The following GRHL2 variants were observed in gnomAD, a reference collection of about 807,000 sequenced individuals.
The protein encoded by GRHL2 is grainyhead like transcription factor 2, also known as grainyhead-like protein 2 homolog.
GRHL2 carries 21 observed loss-of-function variants against 83.8 expected under a neutral mutation model. That is an observed-to-expected ratio of 0.25 (90% CI 0.18 to 0.36). The LOEUF (loss-of-function observed/expected upper bound fraction) is 0.36, where lower values mean the gene tolerates loss of function less well. Among genes scored for constraint, GRHL2 ranks in the 10% least tolerant of loss-of-function variants. The pLI is 1.00. For synonymous variants in GRHL2, 280 were observed against 278.9 expected (o/e 1.00, Z -0.04); for missense variants, 623 against 781.8 (o/e 0.80, Z 2.42).
intron 8 of GRHL2, among the ~76,000 whole-genome samples, chr8:101,604,469 A>AT (rs1171158444): frequency 6.6e-6 from 1 of 152,064 alleles, no homozygotes; most frequent in Non-Finnish European, 1.5e-5. Context: ...GTTCGCAGTG[A>AT]TTTTAAGATT....
At chr8:101,664,261 G>GT (rs1027893877) in intron 14 of GRHL2, among the ~76,000 whole-genome samples, 193 bp from the exon 15 acceptor site, 24 of 152,302 alleles carry the variant, frequency 1.6e-4, no homozygotes, top group Admixed American at 1.3e-3. Context: ...ATGAGGCTGG[G>GT]TTTTTTGTTG....
intron 1 of GRHL2, among the ~76,000 whole-genome samples, chr8:101,534,952 A>G (rs1338723530): frequency 1.3e-5 from 2 of 152,224 alleles, no homozygotes; most frequent in Non-Finnish European, 2.9e-5. Context: ...CGGCCCAATT[A>G]GAGGGCACTA....
At chr8:101,674,436 G>A (rs1281953343), downstream of GRHL2, among the ~76,000 whole-genome samples, 2 of 152,148 alleles carry the variant, frequency 1.3e-5, no homozygotes, top group Non-Finnish European at 2.9e-5. Flanking sequence ...ACACCTCTAC[G>A]CAAATAAACT....
At chr8:101,583,346 GGAGT>G (rs2130261207) in intron 7 of GRHL2, among the ~76,000 whole-genome samples, 1 of 152,362 alleles carries the variant, frequency 6.6e-6, no homozygotes, top group Non-Finnish European at 1.5e-5. Flanking sequence ...AGTTAACCCA[GGAGT>G]GAGAGACAAA....
At chr8:101,583,489 G>A (rs1812098336) in intron 7 of GRHL2, among the ~76,000 whole-genome samples, 1 of 152,176 alleles carries the variant, frequency 6.6e-6, no homozygotes, top group Non-Finnish European at 1.5e-5. Flanking sequence ...GAGACAGAAG[G>A]AGCAGCAAGG....
At chr8:101,662,096 T>C (rs561554594) in intron 14 of GRHL2, among the ~76,000 whole-genome samples, 3 of 152,362 alleles carry the variant, frequency 2.0e-5, no homozygotes, top group Non-Finnish European at 4.4e-5. Flanking sequence ...AATAATCATA[T>C]TTGTATATCA....
At chr8:101,576,849 C>T (rs537746811) in intron 6 of GRHL2, among the ~76,000 whole-genome samples, 7 of 152,194 alleles carry the variant, frequency 4.6e-5, no homozygotes, top group Admixed American at 2.6e-4. Context: ...GTTGCTCTTG[C>T]GTTTTTCAGT....
At chr8:101,568,372 G>T (rs779089639) in intron 4 of GRHL2, among the ~76,000 whole-genome samples, 3 of 152,178 alleles carry the variant, frequency 2.0e-5, no homozygotes, top group Admixed American at 1.3e-4. Context: ...GCCCTCCCTT[G>T]CTTGGGTTAC....
intron 9 of GRHL2, among the ~76,000 whole-genome samples, chr8:101,620,386 A>G (rs942818260): frequency 6.6e-6 from 1 of 152,206 alleles, no homozygotes. Flanking sequence ...TTTACTGGGC[A>G]TAGACCCTGT....
intron 8 of GRHL2, among the ~76,000 whole-genome samples, chr8:101,617,984 A>G (rs1812889222): frequency 6.6e-6 from 1 of 152,262 alleles, no homozygotes; most frequent in Non-Finnish European, 1.5e-5. Context: ...TTCAGAATAC[A>G]TAATTTTACA....
chr8:101,666,052 A>C (rs1208354698), intron 15 of GRHL2, among the ~76,000 whole-genome samples: 1 of 152,232 alleles, frequency 6.6e-6, no homozygotes, highest in Non-Finnish European at 1.5e-5. Context: ...AACCTTGTTG[A>C]GGTCAGTTTT....
At chr8:101,573,917 AAACCTTC>A in intron 6 of GRHL2, 93 bp downstream of exon 6, 1 of 1,385,596 alleles carries the variant, frequency 7.2e-7, no homozygotes, top group Non-Finnish European at 1.0e-6. Context: ...AAAAAAAATA[AAACCTTC>A]AACATAAATA....
At chr8:101,551,380 G>A (rs532721525) in intron 2 of GRHL2, among the ~76,000 whole-genome samples, 1 of 152,288 alleles carries the variant, frequency 6.6e-6, no homozygotes, top group East Asian at 1.9e-4. Flanking sequence ...TGGTAGAGAT[G>A]AGATTTGAAC....
chr8:101,647,391 G>C (rs932433124), intron 13 of GRHL2, among the ~76,000 whole-genome samples: 3 of 142,966 alleles, frequency 2.1e-5, no homozygotes, highest in Non-Finnish European at 4.5e-5. Context: ...TTGGGGGTCA[G>C]CCTGCTGGAA....
At position 101,582,506 on chromosome 8, in the gene GRHL2, A is replaced by G. The variant is rs78273727; in HGVS notation, c.1003+4987A>G. Among the ~76,000 whole-genome samples the G allele has an allele frequency of 9.3e-3, 1,424 of 152,310 alleles. 47 individuals carry two copies. In the South Asian group the frequency reaches 0.097, roughly 10 times the overall value. On this transcript the variant is annotated intron_variant, in intron 7 of 15. Coordinates refer to ENST00000646743, the MANE Select transcript of GRHL2 (RefSeq NM_024915.4). ...GTCTCAAACTCTAAAAGAAACCCTGATTAAGCTGTTTCTATGTGTCACAGG... is the reference window on the plus strand; with the variant it reads ...GTCTCAAACTCTAAAAGAAACCCTGGTTAAGCTGTTTCTATGTGTCACAGG...
In GRHL2 at chr8:101,632,256, T is replaced by C. The variant is rs770280108; in HGVS notation, c.1376T>C (p.Leu459Ser). 8 of 1,613,932 alleles carry C rather than the reference T, an allele frequency of 5.0e-6. No individual in the cohort carries two copies. In the African/African-American group the frequency reaches 1.1e-4, roughly 22 times the overall value. The change falls in exon 11 of 16, where the codon TTA (leucine) becomes TCA (serine). Residue 459 changes from leucine to serine, a missense_variant. Coordinates refer to ENST00000646743, the MANE Select transcript of GRHL2 (RefSeq NM_024915.4). ...GATGGGAAGTTGGCTGCCATACCTT[T>C]ACAGAAGAAGAGTGACATCACCTAC... The part of the protein sequence containing the change: ...SSDGKLAAIP[L>S]QKKSDITYFK...
At chr8:101,507,909 C>A (rs1488051247) in intron 1 of GRHL2, among the ~76,000 whole-genome samples, 1 of 86,308 alleles carries the variant, frequency 1.2e-5, no homozygotes, top group Non-Finnish European at 2.0e-5. Flanking sequence ...TCTTGAATCT[C>A]TTAGCTGAGA....
chr8:101,579,179 A>C (rs1811992061), intron 7 of GRHL2, among the ~76,000 whole-genome samples: 1 of 152,242 alleles, frequency 6.6e-6, no homozygotes, highest in Non-Finnish European at 1.5e-5. Flanking sequence ...GCAGAGGAAC[A>C]ATTTTATTTT....
At chr8:101,661,879 T>C (rs1271338458) in intron 14 of GRHL2, among the ~76,000 whole-genome samples, 1 of 152,188 alleles carries the variant, frequency 6.6e-6, no homozygotes, top group African/African-American at 2.4e-5. Context: ...AGGCTTATCT[T>C]TTTTGGAGGT....
Sources: gnomAD v4.1 joint callset for allele counts (sites outside exome capture counted in the v4.1 genomes callset) on GRCh38, gnomAD v4.1.1 for gene constraint, MANE v1.5 for transcripts, NCBI Gene and HGNC (gene_info 2026-07-23, HGNC 2026-07-21) for gene names.